RBFOX1: variants seen among roughly 807,000 people sequenced by gnomAD.
RBFOX1 encodes RNA binding protein fox-1 homolog 1.
Under a neutral mutation model 57.7 loss-of-function variants are expected in RBFOX1, and 8 were observed. That is an observed-to-expected ratio of 0.14 (90% CI 0.08 to 0.25). The LOEUF is 0.25. Ranked by LOEUF, RBFOX1 falls within the 10% of genes least tolerant of loss-of-function variation. The pLI is 1.00. For synonymous variants in RBFOX1, 326 were observed against 222.4 expected, an observed-to-expected ratio of 1.47 and a Z score of -4.15; for missense variants, 611 against 548.5, an observed-to-expected ratio of 1.11 and a Z score of -1.14.
chr16:5,295,733 C>G (rs184091193), intron 1 of RBFOX1, among the ~76,000 whole-genome samples: 1 of 152,172 alleles, frequency 6.6e-6, no homozygotes, highest in African/African-American at 2.4e-5. Context: ...ATCACTACAT[C>G]CCATCACCTC....
chr16:5,925,651 G>C (rs1010862825), intron 4 of RBFOX1, among the ~76,000 whole-genome samples: 9 of 151,926 alleles, frequency 5.9e-5, no homozygotes, highest in African/African-American at 2.2e-4. Flanking sequence ...TTTATGTTAT[G>C]TGTATTTTAC....
At chr16:6,065,214 C>G (rs79213333) in intron 1 of RBFOX1, among the ~76,000 whole-genome samples, 5 of 98,078 alleles carry the variant, frequency 5.1e-5, no homozygotes, top group African/African-American at 1.8e-4. Flanking sequence ...TTTTTTTTTT[C>G]TGTAGAGACA....
chr16:6,084,935 G>T (rs2096063073), intron 1 of RBFOX1, among the ~76,000 whole-genome samples: 1 of 152,108 alleles, frequency 6.6e-6, no homozygotes, highest in African/African-American at 2.4e-5. Context: ...TATTTTTCTT[G>T]TGAGGAAAAG....
chr16:6,000,964 G>T (rs901953247), intron 4 of RBFOX1, among the ~76,000 whole-genome samples: 2 of 151,728 alleles, frequency 1.3e-5, no homozygotes, highest in African/African-American at 4.8e-5. Context: ...TGAGTGGGTA[G>T]ATGAGTGGAT....
chr16:7,029,651 G>A (rs141808780), intron 3 of RBFOX1, among the ~76,000 whole-genome samples: 182 of 152,178 alleles, frequency 1.2e-3, no homozygotes, highest in African/African-American at 2.6e-3. Context: ...TTTGAAATGC[G>A]GAAATAGGAT....
intron 1 of RBFOX1, among the ~76,000 whole-genome samples, chr16:6,116,791 A>T (rs1180265430): frequency 3.3e-5 from 5 of 152,130 alleles, no homozygotes; most frequent in Non-Finnish European, 7.3e-5. Context: ...TATTACTAGG[A>T]ATTTAGAGAC....
At chr16:5,386,129 G>A (rs2066248844) in intron 1 of RBFOX1, among the ~76,000 whole-genome samples, 1 of 150,602 alleles carries the variant, frequency 6.6e-6, no homozygotes, top group African/African-American at 2.4e-5. Flanking sequence ...TGGAGGGGGA[G>A]TTTATTTAGG....
At chr16:7,273,081 TCCGC>T in intron 4 of RBFOX1, among the ~76,000 whole-genome samples, 1 of 113,034 alleles carries the variant, frequency 8.8e-6, no homozygotes, top group African/African-American at 3.6e-5. Context: ...CTTCCATCCT[TCCGC>T]TCTCCCTCCC....
At chr16:5,790,346 A>G (rs1343375057) in intron 3 of RBFOX1, among the ~76,000 whole-genome samples, 2 of 152,078 alleles carry the variant, frequency 1.3e-5, no homozygotes, top group East Asian at 1.9e-4. Flanking sequence ...AAACCCCTGC[A>G]TTTTCCATTG....
At chr16:7,194,065 A>T (rs577834662) in intron 4 of RBFOX1, among the ~76,000 whole-genome samples, 2 of 152,154 alleles carry the variant, frequency 1.3e-5, no homozygotes, top group African/African-American at 4.8e-5. Context: ...CATTGAATCA[A>T]TTATTGGGAG....
chr16:5,983,108 C>G (rs190648523), intron 4 of RBFOX1, among the ~76,000 whole-genome samples: 1 of 152,184 alleles, frequency 6.6e-6, no homozygotes, highest in South Asian at 2.1e-4. Context: ...ACCTGCATCT[C>G]CGTCTCTCCA....
chr16:7,270,436 G>A (rs900943365), intron 4 of RBFOX1, among the ~76,000 whole-genome samples: 1 of 152,084 alleles, frequency 6.6e-6, no homozygotes, highest in South Asian at 2.1e-4. Context: ...AGATACCATC[G>A]GGCAGATTCA....
At chr16:7,022,308 C>T (rs11640567) in intron 3 of RBFOX1, among the ~76,000 whole-genome samples, 19,395 of 151,298 alleles carry the variant, frequency 0.13, 1,314 homozygotes, top group Middle Eastern at 0.16. Context: ...CCACCTCAGC[C>T]TCCCAAAGTG....
At chr16:7,306,169 G>A (rs1189282785) in intron 4 of RBFOX1, among the ~76,000 whole-genome samples, 1 of 151,734 alleles carries the variant, frequency 6.6e-6, no homozygotes, top group Non-Finnish European at 1.5e-5. Flanking sequence ...TGGTGTTTGT[G>A]TTTTTTTCAA....
intron 4 of RBFOX1, among the ~76,000 whole-genome samples, chr16:7,113,416 C>T (rs540761383): frequency 2.9e-4 from 44 of 152,282 alleles, no homozygotes; most frequent in African/African-American, 9.9e-4. Flanking sequence ...CCTTCTTTCT[C>T]ATCTACTTGC....
At position 7,579,910 on chromosome 16, in the gene RBFOX1, A is replaced by C; in HGVS notation, c.404A>C (p.Gln135Pro). The change falls in exon 6 of 16, where the codon CAA (glutamine) becomes CCA (proline). Residue 135 changes from glutamine (Q) to proline (P), a missense_variant. Physicochemically the swap from Gln to Pro is moderately conservative, Grantham distance 76. This residue lies in a region of RBFOX1 where 99 missense variants were observed against 160.3 expected (regional missense o/e 0.62). Transcript: ENST00000550418. The stretch of plus-strand genomic sequence containing the variant: ...AGGTTCCGGGATCCGGACCTCAGAC[A>C]AATGTTTGGTGTAAGTATCACCTTT... ...PFRFRDPDLR[Q>P]MFGQFGKILD... The C allele has an allele frequency of 6.2e-7, 1 of 1,614,048 alleles. No homozygotes were observed. Among genetic ancestry groups the C allele is most frequent in the Non-Finnish European group, 8.5e-7 (1 of 1,179,948 alleles).
intron 3 of RBFOX1, among the ~76,000 whole-genome samples, chr16:7,020,684 G>A (rs2038742239): frequency 6.6e-6 from 1 of 152,130 alleles, no homozygotes; most frequent in African/African-American, 2.4e-5. Context: ...CACTGTCTGT[G>A]TCATCACACT....
At chr16:6,218,344 T>C (rs1028640488) in intron 1 of RBFOX1, among the ~76,000 whole-genome samples, 3 of 152,166 alleles carry the variant, frequency 2.0e-5, no homozygotes, top group Admixed American at 6.5e-5. Flanking sequence ...AGTCTCACTC[T>C]ATTGCCCAGG....
chr16:7,518,846 G>C (rs1281386423), intron 5 of RBFOX1, among the ~76,000 whole-genome samples: 1 of 152,252 alleles, frequency 6.6e-6, no homozygotes, highest in East Asian at 1.9e-4. Flanking sequence ...AACAAAGTGA[G>C]ACCTCATCTC....
Sources: allele counts gnomAD v4.1 joint callset (sites outside exome capture counted in the v4.1 genomes callset), GRCh38; gene constraint gnomAD v4.1.1; regional missense constraint gnomAD v4.1.1; transcripts MANE v1.5; gene names NCBI Gene and HGNC (gene_info 2026-07-23, HGNC 2026-07-21).